Variants in MPP4 observed in about 807,000 individuals in gnomAD.
MPP4 encodes the protein MAGUK p55 subfamily member 4.
In MPP4, 91 loss-of-function variants were observed where a neutral mutation model predicts 98.3. The ratio of observed to expected loss-of-function variants is 0.93; its 90% CI spans 0.78 to 1.10. The LOEUF is 1.10. Among genes scored for constraint, MPP4 ranks in the 50% least tolerant of loss-of-function variants. The probability of loss-of-function intolerance (pLI) is 0.00; values close to 1 mark genes in which losing one functional copy is unlikely to be tolerated. For missense variants in MPP4, 744 were observed against 792.9 expected (o/e 0.94, Z 0.74); for synonymous variants, 261 against 271.8 (o/e 0.96, Z 0.39).
In MPP4 at chr2:201,686,042, G is replaced by GAGCA. The variant is rs1290245362; in HGVS notation, c.365_368dup (p.Ser124AlafsTer5). 6.2e-7 allele frequency: 1 copy of GAGCA among 1,611,612 alleles called. No homozygotes were observed. Among genetic ancestry groups the GAGCA allele is most frequent in the East Asian group, 2.2e-5 (1 of 44,880 alleles). Reference sequence around the variant, plus strand: ...TCTGAGCTATCGTGTCATGGGCACTGAGCAAGGCCTGGGCACAGGGAAGGA... The same window carrying GAGCA: ...TCTGAGCTATCGTGTCATGGGCACTGAGCAAGCAAGGCCTGGGCACAGGGAAGGA... On this transcript the variant is annotated frameshift_variant, in exon 6 of 22. Coordinates refer to ENST00000409474, the MANE Select transcript of MPP4 (RefSeq NM_033066.3). LOFTEE classifies it high-confidence loss of function.
chr2:201,669,442 CTA>C (rs1244390128), intron 12 of MPP4, among the ~76,000 whole-genome samples: 2 of 152,112 alleles, frequency 1.3e-5, no homozygotes, highest in Non-Finnish European at 2.9e-5. Flanking sequence ...TTGCCATACG[CTA>C]TGTTAAACTC....
At chr2:201,679,668 T>C (rs916689649) in intron 10 of MPP4, among the ~76,000 whole-genome samples, 1 of 152,144 alleles carries the variant, frequency 6.6e-6, no homozygotes, top group Admixed American at 6.5e-5. Flanking sequence ...CAACAGCAAT[T>C]CTCTTCTGTT....
intron 14 of MPP4, chr2:201,662,024 A>G: frequency 2.7e-6 from 1 of 368,376 alleles, no homozygotes; most frequent in Non-Finnish European, 5.2e-6. Flanking sequence ...AAATTTTGAA[A>G]CAACATAAAT....
chr2:201,686,362 T>A (rs937426913), intron 5 of MPP4, among the ~76,000 whole-genome samples: 4 of 152,242 alleles, frequency 2.6e-5, no homozygotes, highest in Non-Finnish European at 4.4e-5. Flanking sequence ...GCAGCCCATG[T>A]AATCTGTGAT....
intron 8 of MPP4, among the ~76,000 whole-genome samples, chr2:201,682,269 T>C (rs1254746909): frequency 4.6e-5 from 7 of 152,170 alleles, no homozygotes; most frequent in Non-Finnish European, 1.0e-4. Flanking sequence ...ACACAGAATC[T>C]TGCAGCAGTG....
At chr2:201,645,684 ACT>A (rs1687542928) in intron 21 of MPP4, among the ~76,000 whole-genome samples, 1 of 151,526 alleles carries the variant, frequency 6.6e-6, no homozygotes, top group Non-Finnish European at 1.5e-5. Context: ...ACAGGGTCCC[ACT>A]CTGTCCCAGG....
At chr2:201,649,152 G>A in intron 20 of MPP4, among the ~76,000 whole-genome samples, 1 of 152,024 alleles carries the variant, frequency 6.6e-6, no homozygotes, top group Non-Finnish European at 1.5e-5. Context: ...CCTACGGATT[G>A]CATGCTGTTT....
chr2:201,696,206 T>C (rs1335059741), intron 1 of MPP4, among the ~76,000 whole-genome samples: 4 of 152,240 alleles, frequency 2.6e-5, no homozygotes, highest in Admixed American at 6.5e-5. Flanking sequence ...GACATCGTTA[T>C]GCTTTTGACT....
intron 5 of MPP4, 51 bp from the exon 6 acceptor site, chr2:201,686,101 C>T: frequency 6.3e-7 from 1 of 1,592,020 alleles, no homozygotes; most frequent in African/African-American, 1.3e-5. Context: ...GGGCCAAACC[C>T]CTCTAGAAGA....
chr2:201,667,892 A>G (rs1688228065), intron 12 of MPP4, among the ~76,000 whole-genome samples: 1 of 152,226 alleles, frequency 6.6e-6, no homozygotes, highest in Non-Finnish European at 1.5e-5. Flanking sequence ...AGGGACACAG[A>G]TAAACGAGTG....
At position 201,669,728 on chromosome 2, in the gene MPP4, C is replaced by T; in HGVS notation, c.1012+5G>A. 1 of 1,440,292 alleles carries T rather than the reference C, an allele frequency of 6.9e-7. No individual in the cohort carries two copies. The highest frequency in any genetic ancestry group is 9.2e-7 in the Non-Finnish European group (1 of 1,084,906). The allele number at this position is 1,440,292 out of a possible 1,614,324, so 89.2% of individuals were successfully genotyped here. On this transcript the variant is annotated splice_donor_5th_base_variant and intron_variant, in intron 12 of 21. Transcript: ENST00000409474. ...AAGAGTTTTTTCCTAAATACTATTT[C>T]TTACCTTCTTCCATAGAAATTGCTG...
At chr2:201,680,558 G>C (rs565946124) in intron 10 of MPP4, 1 of 335,244 alleles carries the variant, frequency 3.0e-6, no homozygotes, top group East Asian at 5.3e-5. Flanking sequence ...ATGAATTTTG[G>C]AGAGGACACA....
intron 3 of MPP4, among the ~76,000 whole-genome samples, chr2:201,692,360 A>C (rs1421565387): frequency 6.6e-6 from 1 of 152,112 alleles, no homozygotes; most frequent in African/African-American, 2.4e-5. Context: ...CCTGGCCAAC[A>C]TGGTGAAACC....
At position 201,664,295 on chromosome 2, in the gene MPP4, T is replaced by C. The variant is rs1246319363; in HGVS notation, c.1052-194A>G. Reference sequence around the variant, plus strand: ...CAGCTTTACATGAAACACATGGTATTCGGCAGTTGAGCCATGATGACAGTC... The same window carrying C: ...CAGCTTTACATGAAACACATGGTATCCGGCAGTTGAGCCATGATGACAGTC... On this transcript the variant is annotated intron_variant, in intron 13 of 21. Coordinates refer to ENST00000409474, the MANE Select transcript of MPP4 (RefSeq NM_033066.3). 4 of 1,464,680 alleles carry C rather than the reference T, an allele frequency of 2.7e-6. No individual in the cohort carries two copies. In the Admixed American group the frequency reaches 8.3e-5, roughly 31 times the overall value. The allele number at this position is 1,464,680 out of a possible 1,614,324, so 90.7% of individuals were successfully genotyped here.
chr2:201,692,466 G>A (rs1048215244), intron 3 of MPP4, among the ~76,000 whole-genome samples: 3 of 150,644 alleles, frequency 2.0e-5, no homozygotes, highest in African/African-American at 7.3e-5. Flanking sequence ...ATCGCTTGAA[G>A]CTGGGAGGCG....
chr2:201,687,647 C>G (rs1688877932), intron 4 of MPP4, among the ~76,000 whole-genome samples: 1 of 152,066 alleles, frequency 6.6e-6, no homozygotes, highest in South Asian at 2.1e-4. Flanking sequence ...GAGGATGTAC[C>G]AATTTGGTAA....
Position 201,664,507 on chromosome 2 carries a change from C to T in MPP4, c.1052-406G>A, listed in dbSNP as rs1335487384. Among the ~76,000 whole-genome samples, 3 of 152,134 alleles carry T rather than the reference C, an allele frequency of 2.0e-5. No individual in the cohort carries two copies. In the South Asian group the frequency reaches 6.2e-4, roughly 32 times the overall value. ...GGGGTGCACCCTGCCTGAAGAGTTG[C>T]GGACCCACAAACGGGGGTGATGACG... On this transcript the variant is annotated intron_variant, in intron 13 of 21. Transcript: ENST00000409474.
chr2:201,681,689 C>A, intron 8 of MPP4, 122 bp from the exon 9 acceptor site: 1 of 715,648 alleles, frequency 1.4e-6, no homozygotes, highest in Non-Finnish European at 2.5e-6. Context: ...AAGAGCCTTT[C>A]ACAAGGGCTC....
rs547684986 is a variant in MPP4, at chr2:201,690,070, T to G, written c.279+132A>C. 21 of 523,104 alleles carry G rather than the reference T, an allele frequency of 4.0e-5. No homozygotes were observed. In the South Asian group the frequency reaches 7.8e-4, roughly 19 times the overall value. The allele number at this position is 523,104 out of a possible 1,614,324, so 32.4% of individuals were successfully genotyped here. A position where few individuals can be genotyped will look rare whatever the true frequency, so the allele number is the denominator to read the frequency against. On this transcript the variant is annotated intron_variant, in intron 4 of 21. Transcript: ENST00000409474. ...GTTCTTCCTTATATTAAAGTTCAAT[T>G]AGAAACATTTATTAGATGCATAGTC...
Sources: allele counts gnomAD v4.1 joint callset (sites outside exome capture counted in the v4.1 genomes callset), GRCh38; gene constraint gnomAD v4.1.1; transcripts MANE v1.5; gene names NCBI Gene and HGNC (gene_info 2026-07-23, HGNC 2026-07-21).